SDK1: variants seen among roughly 807,000 people sequenced by gnomAD.
The protein encoded by SDK1 is protein sidekick-1.
SDK1 carries 157 observed loss-of-function variants against 245.5 expected under a neutral mutation model. The observed-to-expected ratio is 0.64, with a 90% CI of 0.56 to 0.73. The LOEUF is 0.73. Ranked by LOEUF, SDK1 falls within the 30% of genes least tolerant of loss-of-function variation. The probability of loss-of-function intolerance (pLI) is 0.00; values close to 1 mark genes in which losing one functional copy is unlikely to be tolerated. For synonymous variants in SDK1, 1,647 were observed against 1,278.5 expected, an observed-to-expected ratio of 1.29 and a Z score of -6.15; for missense variants, 3,583 against 3,002.3, an observed-to-expected ratio of 1.19 and a Z score of -4.52.
chr7:4,184,183 G>A (rs952814759), intron 35 of SDK1, among the ~76,000 whole-genome samples: 6 of 152,182 alleles, frequency 3.9e-5, no homozygotes, highest in Admixed American at 6.5e-5. Context: ...GCCAGCTTCC[G>A]TCCCCTCGGC....
intron 35 of SDK1, among the ~76,000 whole-genome samples, chr7:4,195,947 C>T (rs116863373): frequency 6.6e-6 from 1 of 152,342 alleles, no homozygotes; most frequent in Non-Finnish European, 1.5e-5. Flanking sequence ...CTCTCCACCA[C>T]ACCCACGCAT....
chr7:4,169,530 T>TA (rs1781705398), intron 32 of SDK1, among the ~76,000 whole-genome samples: 1 of 152,220 alleles, frequency 6.6e-6, no homozygotes, highest in Non-Finnish European at 1.5e-5. Flanking sequence ...TATCCTCCAG[T>TA]TCTTCCTGGC....
At chr7:3,835,912 T>C (rs1382927269) in intron 5 of SDK1, among the ~76,000 whole-genome samples, 1 of 152,216 alleles carries the variant, frequency 6.6e-6, no homozygotes, top group African/African-American at 2.4e-5. Context: ...AAAGACAGGA[T>C]TGATAAAGAC....
At chr7:4,084,516 C>T (rs183785855) in intron 22 of SDK1, among the ~76,000 whole-genome samples, 19 of 152,274 alleles carry the variant, frequency 1.2e-4, no homozygotes, top group African/African-American at 3.6e-4. Flanking sequence ...TGTTTAAAGA[C>T]GATAACCTGA....
chr7:3,582,700 A>AAAAAAAAAAAAAAAAAAAAAAAAAAAAAC (rs1780547237), intron 1 of SDK1, among the ~76,000 whole-genome samples: 1 of 150,684 alleles, frequency 6.6e-6, no homozygotes. Flanking sequence ...AAAAAAAAAA[A>AAAAAAAAAAAAAAAAAAAAAAAAAAAAAC]AAAAAAAAAG....
chr7:4,257,862 G>C (rs941623767), intron 44 of SDK1, among the ~76,000 whole-genome samples: 10 of 150,566 alleles, frequency 6.6e-5, no homozygotes, highest in Admixed American at 2.6e-4. Context: ...GCAAGACTCT[G>C]ATTGGCTGAG....
At position 3,325,293 on chromosome 7, in the gene SDK1, C is replaced by T. The variant is rs368087803; in HGVS notation, c.298+23409C>T. On this transcript the variant is annotated intron_variant, in intron 1 of 44. Transcript: ENST00000404826. Reference sequence around the variant, plus strand: ...TTGCATGTTTTATAGTAATCCTAACCTTTAATATATAAGATCCTAACCTTT... The same window carrying T: ...TTGCATGTTTTATAGTAATCCTAACTTTTAATATATAAGATCCTAACCTTT... Among the ~76,000 whole-genome samples the T allele has an allele frequency of 3.2e-4, 48 of 152,118 alleles. 2 individuals are homozygous for T. Among genetic ancestry groups the T allele is most frequent in the African/African-American group, 8.4e-4 (35 of 41,502 alleles).
At chr7:4,226,377 T>G (rs1485924452) in intron 40 of SDK1, among the ~76,000 whole-genome samples, 2 of 152,214 alleles carry the variant, frequency 1.3e-5, no homozygotes, top group Non-Finnish European at 2.9e-5. Context: ...AAGACACTCA[T>G]CAGCTTTGTT....
At chr7:3,997,626 T>G (rs1784778325) in intron 14 of SDK1, among the ~76,000 whole-genome samples, 1 of 152,156 alleles carries the variant, frequency 6.6e-6, no homozygotes, top group Non-Finnish European at 1.5e-5. Context: ...TGTCATCTGC[T>G]CAGCTCTGGC....
chr7:4,241,251 C>T (rs1030248698), intron 42 of SDK1, among the ~76,000 whole-genome samples: 10 of 152,204 alleles, frequency 6.6e-5, no homozygotes, highest in South Asian at 2.1e-4. Flanking sequence ...CACTCCCACA[C>T]ATTTATCTTT....
At chr7:3,955,625 G>C (rs1253827970) in intron 7 of SDK1, among the ~76,000 whole-genome samples, 4 of 152,204 alleles carry the variant, frequency 2.6e-5, no homozygotes, top group African/African-American at 9.6e-5. Context: ...CCCTGAGAGG[G>C]GCGACCTGGA....
intron 5 of SDK1, among the ~76,000 whole-genome samples, chr7:3,884,309 T>C (rs952424337): frequency 5.9e-5 from 9 of 152,192 alleles, no homozygotes; most frequent in Non-Finnish European, 1.5e-5. Context: ...AGACTGAGGC[T>C]CAGTGAGGGC....
At chr7:3,911,124 C>T (rs902506954) in intron 5 of SDK1, among the ~76,000 whole-genome samples, 1 of 152,130 alleles carries the variant, frequency 6.6e-6, no homozygotes, top group African/African-American at 2.4e-5. Context: ...GTAACTGGGA[C>T]AAAAGTTGAA....
intron 33 of SDK1, among the ~76,000 whole-genome samples, chr7:4,174,800 A>C (rs1040579365): frequency 6.6e-6 from 1 of 152,192 alleles, no homozygotes; most frequent in East Asian, 1.9e-4. Flanking sequence ...CTCTGCCTGC[A>C]CTGCGCCATG....
At chr7:4,010,541 ATTAAAATGTTAATGAATATAGTTT>A (rs1785863271) in intron 14 of SDK1, among the ~76,000 whole-genome samples, 1 of 152,150 alleles carries the variant, frequency 6.6e-6, no homozygotes, top group African/African-American at 2.4e-5. Context: ...TTCCTCTTTT[ATTAAAATGTTAATGAATATAGTTT>A]TTATTTATCA....
chr7:3,572,474 C>T (rs192345128), intron 1 of SDK1, among the ~76,000 whole-genome samples: 85 of 152,028 alleles, frequency 5.6e-4, no homozygotes, highest in African/African-American at 1.9e-3. Context: ...CTATAAACTG[C>T]GCAGACCAAT....
intron 1 of SDK1, among the ~76,000 whole-genome samples, chr7:3,525,569 T>A (rs1197893691): frequency 6.6e-6 from 1 of 152,132 alleles, no homozygotes; most frequent in Non-Finnish European, 1.5e-5. Context: ...TACAACATCC[T>A]TCTGATTGCA....
At chr7:3,706,816 C>G (rs997480103) in intron 4 of SDK1, among the ~76,000 whole-genome samples, 2 of 152,144 alleles carry the variant, frequency 1.3e-5, no homozygotes, top group Non-Finnish European at 2.9e-5. Context: ...GGAATTTATT[C>G]ATTTCCTCCA....
At chr7:3,987,608 C>G (rs541527181) in intron 14 of SDK1, among the ~76,000 whole-genome samples, 11 of 152,118 alleles carry the variant, frequency 7.2e-5, no homozygotes, top group Non-Finnish European at 1.5e-4. Context: ...AGTGTCACTC[C>G]CAGGGCGAGC....
Sources: gnomAD v4.1 joint callset for allele counts (sites outside exome capture counted in the v4.1 genomes callset) on GRCh38, gnomAD v4.1.1 for gene constraint, MANE v1.5 for transcripts, NCBI Gene and HGNC (gene_info 2026-07-23, HGNC 2026-07-21) for gene names.